The following SPTA1 variants were observed in gnomAD, a reference collection of about 807,000 sequenced individuals.
SPTA1 encodes the protein spectrin alpha chain, erythrocytic 1.
Under a neutral mutation model 324.7 loss-of-function variants are expected in SPTA1, and 177 were observed. That is an observed-to-expected ratio of 0.55 (90% CI 0.48 to 0.62). SPTA1 has a LOEUF of 0.62. SPTA1 is among the 20% of genes least tolerant of loss of function. The probability of loss-of-function intolerance (pLI) is 0.00; values close to 1 mark genes in which losing one functional copy is unlikely to be tolerated. For missense variants in SPTA1, 3,162 were observed against 2,883.6 expected, an observed-to-expected ratio of 1.10 and a Z score of -2.21; for synonymous variants, 1,195 against 1,041.3, an observed-to-expected ratio of 1.15 and a Z score of -2.84.
intron 4 of SPTA1, 148 bp from the exon 5 acceptor site, chr1:158,680,877 A>G: frequency 2.9e-6 from 3 of 1,052,554 alleles, no homozygotes; most frequent in Non-Finnish European, 2.8e-6. Flanking sequence ...AAAGGCCAGC[A>G]GCAGAAGTAT....
At chr1:158,683,265 T>G in intron 3 of SPTA1, 106 bp downstream of exon 3, 1 of 1,528,790 alleles carries the variant, frequency 6.5e-7, no homozygotes, top group Non-Finnish European at 9.0e-7. Context: ...GAGGCAGGAG[T>G]CCTGGGTATA....
Position 158,613,783 on chromosome 1 carries a change from C to T in SPTA1, c.6927G>A (p.Met2309Ile). ...TGGGCTCATGTTCATCCTCCTCCAC[C>T]ATGGGCAAGTAGTAATTGAGTCCTC... ...CLRGLNYYLP[M>I]VEEDEHEPKF... Residue 2309 changes from methionine to isoleucine, a missense_variant, in exon 50 of 52, where the codon ATG becomes ATA. Transcript: ENST00000643759. 6.2e-7 allele frequency: 1 copy of T among 1,613,912 alleles called. No individual in the cohort carries two copies. The highest frequency in any genetic ancestry group is 8.5e-7 in the Non-Finnish European group (1 of 1,179,868).
chr1:158,632,843 A>G lies in SPTA1; in HGVS notation c.5565+1700T>C, dbSNP rs1052755851. ...GGGTCCTGTACATTTATCCCAGAGAAATAGACTTATGTTTGCATTAAAATC... is the reference window on the plus strand; with the variant it reads ...GGGTCCTGTACATTTATCCCAGAGAGATAGACTTATGTTTGCATTAAAATC... On this transcript the variant is annotated intron_variant, in intron 39 of 51. Coordinates refer to ENST00000643759, the MANE Select transcript of SPTA1 (RefSeq NM_003126.4). 3.9e-5 allele frequency among the ~76,000 whole-genome samples: 6 copies of G among 152,202 alleles called. No individual in the cohort carries two copies. In the South Asian group the frequency reaches 8.3e-4, roughly 21 times the overall value.
intron 44 of SPTA1, 110 bp from the exon 45 acceptor site, chr1:158,619,444 T>G: frequency 9.6e-7 from 1 of 1,038,658 alleles, no homozygotes; most frequent in Non-Finnish European, 1.5e-6. Context: ...AAGTCTAACC[T>G]ATCTTCCACA....
At chr1:158,621,150 A>G (rs752489667) in intron 43 of SPTA1, among the ~76,000 whole-genome samples, 5 of 152,224 alleles carry the variant, frequency 3.3e-5, no homozygotes, top group African/African-American at 4.8e-5. Context: ...TGCTCTGAAT[A>G]GCTCTGAATT....
chr1:158,676,733 G>A (rs1654416760), intron 7 of SPTA1, among the ~76,000 whole-genome samples: 2 of 152,034 alleles, frequency 1.3e-5, no homozygotes, highest in Non-Finnish European at 2.9e-5. Flanking sequence ...TGTCCACAAG[G>A]CCAAGAAAAT....
At chr1:158,630,722 T>C (rs1036474529) in intron 39 of SPTA1, among the ~76,000 whole-genome samples, 1 of 152,010 alleles carries the variant, frequency 6.6e-6, no homozygotes, top group African/African-American at 2.4e-5. Context: ...TGAGAGTTAA[T>C]ACTTATAAAT....
At chr1:158,666,256 G>A (rs111393509) in intron 16 of SPTA1, 60 bp downstream of exon 16, 10 of 1,544,384 alleles carry the variant, frequency 6.5e-6, no homozygotes, top group East Asian at 2.3e-5. Flanking sequence ...ACTTAATAAC[G>A]AGTGTGCTCA....
chr1:158,613,909 A>G, intron 49 of SPTA1, 42 bp from the exon 50 acceptor site: 2 of 1,595,092 alleles, frequency 1.3e-6, no homozygotes, highest in Non-Finnish European at 1.7e-6. Context: ...CAAGCTCAAT[A>G]GAAAAACCAA....
At position 158,657,528 on chromosome 1, in the gene SPTA1, C is replaced by A. The variant is rs1246150565; in HGVS notation, c.2754G>T (p.Lys918Asn). The change falls in exon 19 of 52, where the codon AAG becomes AAT. Residue 918 changes from lysine to asparagine, a missense_variant. Physicochemically the swap from Lys to Asn is moderately conservative, Grantham distance 94 (BLOSUM62 0). Transcript: ENST00000643759. ...LHEAETWIREKEPIVDNTNYG... is the reference protein window; with the variant it reads ...LHEAETWIRENEPIVDNTNYG... ...AGTTAGTATTATCTACAATAGGTTC[C>A]TTCTCTCTGATCCATGTTTCTGCTT... 3.7e-6 allele frequency: 6 copies of A among 1,613,690 alleles called. No individual in the cohort carries two copies. The highest frequency in any genetic ancestry group is 5.1e-6 in the Non-Finnish European group (6 of 1,179,718).
Position 158,647,647 on chromosome 1 carries a change from T to C in SPTA1, c.3788A>G (p.Gln1263Arg), listed in dbSNP as rs1428024877. The change falls in exon 27 of 52, where the codon CAG (glutamine) becomes CGG (arginine). Residue 1263 changes from glutamine (Q) to arginine (R), a missense_variant. Gln to Arg is a conservative substitution (Grantham distance 43). Coordinates refer to ENST00000643759, the MANE Select transcript of SPTA1 (RefSeq NM_003126.4). Reference sequence around the variant, plus strand: ...CCAGGCCTCATTCAGCTCCATTTTCTGTCTCTGCAGGTCCTCAGTGGCATC... The same window carrying C: ...CCAGGCCTCATTCAGCTCCATTTTCCGTCTCTGCAGGTCCTCAGTGGCATC... ...HPDATEDLQR[Q>R]KMELNEAWED... 6.2e-7 allele frequency: 1 copy of C among 1,613,974 alleles called. No homozygotes were observed. Among genetic ancestry groups the C allele is most frequent in the East Asian group, 2.2e-5 (1 of 44,862 alleles).
At chr1:158,632,173 C>T (rs1650726429) in intron 39 of SPTA1, among the ~76,000 whole-genome samples, 2 of 152,078 alleles carry the variant, frequency 1.3e-5, no homozygotes, top group South Asian at 4.1e-4. Flanking sequence ...GGACATTACG[C>T]TAAGCAAAAT....
rs751500717 is a variant in SPTA1, at chr1:158,612,996, C to T, written c.6990-35G>A. 145 of 1,611,780 alleles carry T rather than the reference C, an allele frequency of 9.0e-5. No homozygotes were observed. In the Admixed American group the frequency reaches 2.4e-3, roughly 27 times the overall value. ...AAATGGATCAGGAGCTGAGCCTTCT[C>T]AAGGCAGAGAAGGAAGTCCCCTTTT... On this transcript the variant is annotated intron_variant, in intron 50 of 51. Coordinates refer to ENST00000643759, the MANE Select transcript of SPTA1 (RefSeq NM_003126.4).
intron 2 of SPTA1, among the ~76,000 whole-genome samples, chr1:158,683,863 T>G (rs1194132679): frequency 8.6e-5 from 13 of 151,166 alleles, no homozygotes; most frequent in South Asian, 4.2e-4. Context: ...AAATTGAGAG[T>G]TTTTTTTGCA....
At chr1:158,654,926 C>T (rs1652720217) in intron 20 of SPTA1, among the ~76,000 whole-genome samples, 178 bp from the exon 21 acceptor site, 2 of 152,044 alleles carry the variant, frequency 1.3e-5, no homozygotes, top group African/African-American at 4.8e-5. Context: ...CATTCTGACA[C>T]TTATCGGGGA....
At chr1:158,634,397 G>C (rs182723553) in intron 39 of SPTA1, 146 bp downstream of exon 39, 16 of 1,229,434 alleles carry the variant, frequency 1.3e-5, no homozygotes, top group Non-Finnish European at 1.7e-5. Flanking sequence ...TTAATTTTTC[G>C]TATTTAAAAC....
intron 39 of SPTA1, among the ~76,000 whole-genome samples, chr1:158,633,800 C>A (rs1650861195): frequency 6.6e-6 from 1 of 151,906 alleles, no homozygotes; most frequent in Non-Finnish European, 1.5e-5. Context: ...AAAAGACTTA[C>A]AAATAAGATG....
chr1:158,627,700 AG>A lies in SPTA1; in HGVS notation c.5588del (p.Ala1863ValfsTer24). 1 of 1,613,028 alleles carries A rather than the reference AG, an allele frequency of 6.2e-7. No homozygotes were observed. Among genetic ancestry groups the A allele is most frequent in the Non-Finnish European group, 8.5e-7 (1 of 1,179,712 alleles). ...ATQSLLMKHE[A>X]LENDFAVHET... The stretch of plus-strand genomic sequence containing the variant: ...CATGGACAGCAAAGTCATTTTCCAA[AG>A]CTTCATGCTTCATTAGCAAGCTCTG... On this transcript the variant is annotated frameshift_variant, in exon 40 of 52. Transcript: ENST00000643759. LOFTEE classifies it high-confidence loss of function.
intron 45 of SPTA1, 75 bp from the exon 46 acceptor site, chr1:158,618,131 G>C (rs1649691313): frequency 1.4e-6 from 2 of 1,400,726 alleles, no homozygotes; most frequent in Non-Finnish European, 2.0e-6. Flanking sequence ...TTACTTTAAA[G>C]ATCTCATTTC....
Sources: allele counts gnomAD v4.1 joint callset (sites outside exome capture counted in the v4.1 genomes callset), GRCh38; gene constraint gnomAD v4.1.1; transcripts MANE v1.5; gene names NCBI Gene and HGNC (gene_info 2026-07-23, HGNC 2026-07-21).